Variants in IWS1 observed in about 807,000 individuals in gnomAD.
The protein encoded by IWS1 is interacts with SUPT6H, CTD assembly factor 1.
Under a neutral mutation model 86.7 loss-of-function variants are expected in IWS1, and 27 were observed. The ratio of observed to expected loss-of-function variants is 0.31; its 90% CI spans 0.23 to 0.43. The LOEUF (loss-of-function observed/expected upper bound fraction) is 0.43. Ranked by LOEUF, IWS1 falls within the 20% of genes least tolerant of loss-of-function variation. IWS1 has a pLI of 1.00. For synonymous variants in IWS1, 313 were observed against 335.1 expected (o/e 0.93, Z 0.72); for missense variants, 827 against 1,000.8 (o/e 0.83, Z 2.34).
At chr2:127,520,950 TAAGTG>T (rs1692060985) in intron 2 of IWS1, among the ~76,000 whole-genome samples, 1 of 152,222 alleles carries the variant, frequency 6.6e-6, no homozygotes, top group African/African-American at 2.4e-5. Context: ...AGTATCATCT[TAAGTG>T]AAGAGATAAA....
chr2:127,501,651 C>T (rs1034336201), intron 5 of IWS1: 3 of 152,142 alleles, frequency 2.0e-5, no homozygotes, highest in African/African-American at 7.2e-5. Flanking sequence ...TTCCAGTTCA[C>T]TTATTTTCAA....
chr2:127,483,625 CGTGTGCGTGTGT>C (rs1356352606), intron 13 of IWS1, among the ~76,000 whole-genome samples: 2 of 44,904 alleles, frequency 4.5e-5, no homozygotes, highest in African/African-American at 1.8e-4. Context: ...TGTGTGTGTG[CGTGTGCGTGTGT>C]GTGTGTGTGT....
At chr2:127,502,927 G>A in intron 4 of IWS1, 55 bp from the exon 5 acceptor site, 1 of 989,520 alleles carries the variant, frequency 1.0e-6, no homozygotes, top group South Asian at 1.4e-5. Context: ...ATTTGCATAG[G>A]AACCATTTTT....
chr2:127,481,569 T>C (rs539831627), intron 13 of IWS1, among the ~76,000 whole-genome samples: 1 of 152,252 alleles, frequency 6.6e-6, no homozygotes, highest in Non-Finnish European at 1.5e-5. Flanking sequence ...CAAACAGTGC[T>C]GGCATAAAAA....
Position 127,481,038 on chromosome 2 carries a change from G to A in IWS1, c.*6C>T, listed in dbSNP as rs752965778. 12 of 1,603,272 alleles carry A rather than the reference G, an allele frequency of 7.5e-6. No homozygotes were observed. The Admixed American group carries it at 1.4e-4, about 19-fold the overall frequency. On this transcript the variant is annotated 3_prime_UTR_variant, in exon 14 of 14. Coordinates refer to ENST00000295321, the MANE Select transcript of IWS1 (RefSeq NM_017969.3). ...GAGTAGAGATGGGGACACATTCCAG[G>A]CAAGGTCACAATGGCATTTTGTTGC... is the stretch of plus-strand genomic sequence containing the variant.
chr2:127,494,855 G>C lies in IWS1; in HGVS notation c.1799+17C>G. ...ATGAAAAGGAAAAAGACATTTTAAA[G>C]AAAACAAAATACTTACTTCTTAAGG... On this transcript the variant is annotated intron_variant, in intron 8 of 13. Transcript: ENST00000295321. 1 of 1,455,578 alleles carries C rather than the reference G, an allele frequency of 6.9e-7. No individual in the cohort carries two copies. Among genetic ancestry groups the C allele is most frequent in the South Asian group, 1.3e-5 (1 of 75,456 alleles). 90.2% of individuals were successfully genotyped at this position (1,455,578 alleles called of 1,614,324 possible).
At chr2:127,503,669 A>AAAAT (rs3033265) in intron 3 of IWS1, 93 bp from the exon 4 acceptor site, 9,900 of 285,150 alleles carry the variant, frequency 0.035, 203 homozygotes, top group South Asian at 0.08. Flanking sequence ...GTATACAGCA[A>AAAAT]AAATAAATAA....
chr2:127,519,996 G>A (rs1426464087), intron 2 of IWS1, among the ~76,000 whole-genome samples: 1 of 152,104 alleles, frequency 6.6e-6, no homozygotes, highest in African/African-American at 2.4e-5. Flanking sequence ...ACACAGCCCT[G>A]GGACACCTTG....
chr2:127,485,357 A>G (rs1221456975), intron 13 of IWS1, among the ~76,000 whole-genome samples: 1 of 152,162 alleles, frequency 6.6e-6, no homozygotes, highest in Non-Finnish European at 1.5e-5. Context: ...AGCATAGTGG[A>G]TCAGTGAGTT....
chr2:127,502,775 A>G, intron 5 of IWS1, 40 bp downstream of exon 5: 1 of 1,156,426 alleles, frequency 8.6e-7, no homozygotes, highest in Non-Finnish European at 1.3e-6. Flanking sequence ...CACCAAAAAA[A>G]AGCACAATCA....
Position 127,489,553 on chromosome 2 carries a change from A to T in IWS1, c.2159+279T>A. The T allele has an allele frequency of 2.0e-6, 1 of 509,294 alleles. No homozygotes were observed. Among genetic ancestry groups the T allele is most frequent in the Non-Finnish European group, 3.5e-6 (1 of 289,596 alleles). 31.5% of individuals were successfully genotyped at this position (509,294 alleles called of 1,614,324 possible). A position where few individuals can be genotyped will look rare whatever the true frequency, so the allele number is the denominator to read the frequency against. ...CTAGGAACTCGGAAACGGGACCCAG[A>T]AAGTTGTTTTCTCAAGTGGATGGAA... On this transcript the variant is annotated intron_variant, in intron 11 of 13. Coordinates refer to ENST00000295321, the MANE Select transcript of IWS1 (RefSeq NM_017969.3). The surrounding 1 kb of genome is among the most constrained non-coding windows in gnomAD (Gnocchi z 4.8).
chr2:127,505,311 A>T lies in IWS1; in HGVS notation c.592T>A (p.Ser198Thr). 1 of 1,613,750 alleles carries T rather than the reference A, an allele frequency of 6.2e-7. No homozygotes were observed. The highest frequency in any genetic ancestry group is 8.5e-7 in the Non-Finnish European group (1 of 1,179,926). The change falls in exon 3 of 14, where the codon TCC becomes ACC. Residue 198 changes from serine (S) to threonine (T), a missense_variant. Coordinates refer to ENST00000295321, the MANE Select transcript of IWS1 (RefSeq NM_017969.3). The surrounding 1 kb of genome is among the most constrained non-coding windows in gnomAD (Gnocchi z 5.0). Reference protein sequence around the residue: ...EEPPRHQASDSENEEPPKPRM... With the variant: ...EEPPRHQASDTENEEPPKPRM... ...GGTTTGGGAGGCTCCTCATTTTCGG[A>T]GTCACTGGCTTGGTGCCTTGGGGGT...
At position 127,505,475 on chromosome 2, in the gene IWS1, G is replaced by A. The variant is rs771941486; in HGVS notation, c.428C>T (p.Ala143Val). ...AACATCTTCGTTTTCTGAGTCACTT[G>A]CATGCCCATTAAGAAGTTCCTCATT... Reference protein sequence around the residue: ...SENEELLNGHASDSENEDVGK... With the variant: ...SENEELLNGHVSDSENEDVGK... Residue 143 changes from alanine to valine, a missense_variant, in exon 3 of 14, where the codon GCA becomes GTA. Transcript: ENST00000295321. This position sits in a 1 kb window ranked among gnomAD's most constrained non-coding sequence, Gnocchi z 5.0. 3.1e-6 allele frequency: 5 copies of A among 1,614,080 alleles called. No homozygotes were observed. In the South Asian group the frequency reaches 5.5e-5, roughly 18 times the overall value.
chr2:127,492,560 A>C (rs757476593), intron 9 of IWS1, among the ~76,000 whole-genome samples: 130 of 150,764 alleles, frequency 8.6e-4, no homozygotes, highest in Non-Finnish European at 1.3e-3. Context: ...AAAAAAAAAA[A>C]CAAAAAGAGG....
intron 1 of IWS1, 148 bp downstream of exon 1, chr2:127,526,027 T>C (rs775063642): frequency 5.8e-6 from 4 of 688,616 alleles, no homozygotes; most frequent in Non-Finnish European, 9.6e-6. Flanking sequence ...CGCTTGCAGC[T>C]GGTCAGAGGG....
chr2:127,519,098 CTGAG>C lies in IWS1; in HGVS notation c.150+4574_150+4577del, dbSNP rs1573566677. ...TTTAAAATATCATTTATCTTGATTA[CTGAG>C]TGTTTTTCAAATCTTGGAGAAAAAA... is the stretch of plus-strand genomic sequence containing the variant. On this transcript the variant is annotated intron_variant, in intron 2 of 13. Coordinates refer to ENST00000295321, the MANE Select transcript of IWS1 (RefSeq NM_017969.3). Among the ~76,000 whole-genome samples the C allele has an allele frequency of 4.0e-5, 6 of 151,790 alleles. No individual in the cohort carries two copies. The South Asian group carries it at 1.2e-3, about 31-fold the overall frequency.
rs2104670843 is a variant in IWS1, at chr2:127,493,091, T to C, written c.1929+190A>G. ...CTAAGATTTTTTCCCTTCAATGCGA[T>C]AGTTACATGAAGTTTTATAAGGTCT... On this transcript the variant is annotated intron_variant, in intron 9 of 13. Coordinates refer to ENST00000295321, the MANE Select transcript of IWS1 (RefSeq NM_017969.3). The C allele has an allele frequency of 9.0e-6, 4 of 445,386 alleles. No individual in the cohort carries two copies. The East Asian group carries it at 1.2e-4, about 13-fold the overall frequency. The allele number at this position is 445,386 out of a possible 1,614,324, so 27.6% of individuals were successfully genotyped here.
intron 2 of IWS1, among the ~76,000 whole-genome samples, chr2:127,520,270 G>C (rs992430724): frequency 6.6e-6 from 1 of 152,148 alleles, no homozygotes; most frequent in Non-Finnish European, 1.5e-5. Flanking sequence ...CCGGGTTCAA[G>C]AGATTCTCCT....
intron 13 of IWS1, 127 bp downstream of exon 13, chr2:127,486,426 G>A (rs1689934936): frequency 6.1e-6 from 4 of 656,766 alleles, no homozygotes; most frequent in East Asian, 2.8e-5. Flanking sequence ...CTAGATAAGC[G>A]ACCAGAAAAC....
Sources: allele counts gnomAD v4.1 joint callset (sites outside exome capture counted in the v4.1 genomes callset), GRCh38; gene constraint gnomAD v4.1.1; non-coding constraint Gnocchi (gnomAD v3.1); transcripts MANE v1.5; gene names NCBI Gene and HGNC (gene_info 2026-07-23, HGNC 2026-07-21).